Variants in CACNB2 observed in about 807,000 individuals in gnomAD.
CACNB2 encodes voltage-dependent L-type calcium channel subunit beta-2.
A neutral mutation model predicts 73.3 loss-of-function variants in CACNB2; 42 were observed. The ratio of observed to expected loss-of-function variants is 0.57; its 90% CI spans 0.45 to 0.74. The LOEUF is 0.74. Among genes scored for constraint, CACNB2 ranks in the 30% least tolerant of loss-of-function variants. The probability of loss-of-function intolerance (pLI) is 0.00; values close to 1 mark genes in which losing one functional copy is unlikely to be tolerated. For synonymous variants in CACNB2, 348 were observed against 310.3 expected, an observed-to-expected ratio of 1.12 and a Z score of -1.28; for missense variants, 940 against 853.0, an observed-to-expected ratio of 1.10 and a Z score of -1.27.
chr10:18,407,613 T>G (rs2044367152), intron 3 of CACNB2, among the ~76,000 whole-genome samples: 1 of 152,168 alleles, frequency 6.6e-6, no homozygotes, highest in South Asian at 2.1e-4. Context: ...CCCCTTTTTT[T>G]GGAATAATTT....
intron 2 of CACNB2, among the ~76,000 whole-genome samples, chr10:18,264,922 A>G (rs2131613324): frequency 6.6e-6 from 1 of 152,360 alleles, no homozygotes; most frequent in South Asian, 2.1e-4. Flanking sequence ...AGGGTACAGT[A>G]TAAATACATT....
At chr10:18,492,115 G>A (rs369095943) in intron 3 of CACNB2, among the ~76,000 whole-genome samples, 95 of 152,208 alleles carry the variant, frequency 6.2e-4, no homozygotes, top group African/African-American at 2.2e-3. Flanking sequence ...TGGTGCAAGA[G>A]AGAGGTGGGA....
intron 3 of CACNB2, among the ~76,000 whole-genome samples, chr10:18,479,493 G>C (rs1025815807): frequency 2.0e-5 from 3 of 152,104 alleles, no homozygotes; most frequent in Non-Finnish European, 4.4e-5. Context: ...ACAAATTGTT[G>C]AGATTGTCTG....
intron 2 of CACNB2, among the ~76,000 whole-genome samples, chr10:18,394,246 G>T (rs1294841014): frequency 6.6e-6 from 1 of 152,154 alleles, no homozygotes; most frequent in Admixed American, 6.5e-5. Flanking sequence ...GTGAGCCACT[G>T]CGCCTGGCCC....
chr10:18,248,423 A>C (rs1375574637), intron 2 of CACNB2, among the ~76,000 whole-genome samples: 1 of 152,234 alleles, frequency 6.6e-6, no homozygotes, highest in Non-Finnish European at 1.5e-5. Flanking sequence ...ATTTTGTCAT[A>C]AATCATATGA....
chr10:18,361,735 C>A (rs906762220), intron 2 of CACNB2, among the ~76,000 whole-genome samples: 1 of 151,690 alleles, frequency 6.6e-6, no homozygotes, highest in Non-Finnish European at 1.5e-5. Context: ...ATCTCAGCCT[C>A]CTGAATAGCG....
intron 2 of CACNB2, among the ~76,000 whole-genome samples, chr10:18,392,592 T>C (rs1267318620): frequency 6.6e-6 from 1 of 152,132 alleles, no homozygotes; most frequent in Non-Finnish European, 1.5e-5. Flanking sequence ...GCAGAGAAAA[T>C]GGAGTCAAGG....
At chr10:18,517,023 G>A (rs1369495650) in intron 7 of CACNB2, among the ~76,000 whole-genome samples, 1 of 152,130 alleles carries the variant, frequency 6.6e-6, no homozygotes, top group Admixed American at 6.5e-5. Flanking sequence ...CTCCCCTGAG[G>A]CAATGTGAAT....
chr10:18,305,395 G>A (rs1423388307), intron 2 of CACNB2, among the ~76,000 whole-genome samples: 1 of 152,174 alleles, frequency 6.6e-6, no homozygotes, highest in Admixed American at 6.5e-5. Flanking sequence ...GGTAAAACAT[G>A]TAACTGGGGC....
At chr10:18,358,292 T>G (rs1402969669) in intron 2 of CACNB2, among the ~76,000 whole-genome samples, 1 of 152,208 alleles carries the variant, frequency 6.6e-6, no homozygotes, top group Non-Finnish European at 1.5e-5. Flanking sequence ...TTCACCATGT[T>G]GGCCAGGCTG....
At chr10:18,393,256 A>T (rs561588131) in intron 2 of CACNB2, among the ~76,000 whole-genome samples, 1 of 152,148 alleles carries the variant, frequency 6.6e-6, no homozygotes, top group Non-Finnish European at 1.5e-5. Context: ...AAAGGCCTAG[A>T]AAATTTTCCC....
intron 3 of CACNB2, among the ~76,000 whole-genome samples, chr10:18,409,921 A>G (rs1589269467): frequency 2.0e-5 from 3 of 152,112 alleles, no homozygotes; most frequent in African/African-American, 4.8e-5. Context: ...ACTCTCAGCT[A>G]TCCTTCTGAT....
intron 3 of CACNB2, among the ~76,000 whole-genome samples, chr10:18,451,442 C>A (rs1288040907): frequency 6.6e-6 from 1 of 152,194 alleles, no homozygotes; most frequent in Non-Finnish European, 1.5e-5. Flanking sequence ...GAGTTTCTGT[C>A]ATGAAGACAC....
intron 2 of CACNB2, chr10:18,238,388 A>T (rs1237343532): frequency 1.3e-5 from 2 of 152,110 alleles, no homozygotes; most frequent in African/African-American, 4.8e-5. Context: ...TCGTTTTGAG[A>T]TTTACCTTGG....
Position 18,498,380 on chromosome 10 carries a change from G to A in CACNB2, c.359G>A (p.Arg120Gln), listed in dbSNP as rs202220375. 2 of 1,614,068 alleles carry A rather than the reference G, an allele frequency of 1.2e-6. No individual in the cohort carries two copies. Among genetic ancestry groups the A allele is most frequent in the Admixed American group, 1.7e-5 (1 of 60,020 alleles). ...ACAAAGCCCGTTGCATTTGCGGTTC[G>A]GACAAATGTCAGCTACAGTGCGGCC... ...AKTKPVAFAV[R>Q]TNVSYSAAHE... The change falls in exon 4 of 14, where the codon CGG becomes CAG. Residue 120 changes from arginine to glutamine, a missense_variant. Physicochemically the swap from Arg to Gln is conservative, Grantham distance 43. Transcript: ENST00000324631.
At chr10:18,229,255 C>G (rs145055510) in intron 2 of CACNB2, among the ~76,000 whole-genome samples, 1 of 152,226 alleles carries the variant, frequency 6.6e-6, no homozygotes, top group East Asian at 1.9e-4. Flanking sequence ...AAGACTAAAT[C>G]CATAATTTCA....
intron 3 of CACNB2, among the ~76,000 whole-genome samples, chr10:18,480,888 A>C (rs1390836150): frequency 6.6e-6 from 1 of 152,118 alleles, no homozygotes; most frequent in Non-Finnish European, 1.5e-5. Context: ...TTTGGTCAAT[A>C]ATTTGTCTAA....
chr10:18,458,503 A>G (rs141685728), intron 3 of CACNB2, among the ~76,000 whole-genome samples: 18 of 152,326 alleles, frequency 1.2e-4, no homozygotes, highest in Admixed American at 8.5e-4. Context: ...TGCTGGGTAC[A>G]TACAAATGAA....
intron 13 of CACNB2, 69 bp downstream of exon 13, chr10:18,538,434 C>T: frequency 7.2e-7 from 1 of 1,394,600 alleles, no homozygotes; most frequent in Non-Finnish European, 1.0e-6. Context: ...ATGGTGACAC[C>T]TCTAGGATCC....
Sources: allele counts gnomAD v4.1 joint callset (sites outside exome capture counted in the v4.1 genomes callset), GRCh38; gene constraint gnomAD v4.1.1; transcripts MANE v1.5; gene names NCBI Gene and HGNC (gene_info 2026-07-23, HGNC 2026-07-21).